The following GADL1 variants were observed in gnomAD, a reference collection of about 807,000 sequenced individuals.
GADL1 encodes the protein GAD like acidic amino acid decarboxylase 1, also known as acidic amino acid decarboxylase GADL1.
In GADL1, 71 loss-of-function variants were observed where a neutral mutation model predicts 69.5. That is an observed-to-expected ratio of 1.02 (90% CI 0.84 to 1.25). The LOEUF is 1.25. Among genes scored for constraint, GADL1 ranks in the 50% most tolerant of loss-of-function variants. The probability of loss-of-function intolerance (pLI) is 0.00; values close to 1 mark genes in which losing one functional copy is unlikely to be tolerated. For missense variants in GADL1, 737 were observed against 631.8 expected (o/e 1.17, Z -1.79); for synonymous variants, 254 against 214.4 (o/e 1.18, Z -1.62).
At chr3:30,854,379 T>C (rs1698194596) in intron 4 of GADL1, among the ~76,000 whole-genome samples, 1 of 152,184 alleles carries the variant, frequency 6.6e-6, no homozygotes, top group South Asian at 2.1e-4. Flanking sequence ...TCAAGGTTTA[T>C]TTGTGTTCAA....
At chr3:30,778,351 T>C in intron 13 of GADL1, 83 bp from the exon 14 acceptor site, 1 of 870,428 alleles carries the variant, frequency 1.1e-6, no homozygotes, top group Non-Finnish European at 1.9e-6. Context: ...TCTTAGCTAG[T>C]TTCTTCAAGA....
intron 14 of GADL1, among the ~76,000 whole-genome samples, chr3:30,754,240 G>GC (rs1317390706): frequency 6.6e-6 from 1 of 152,136 alleles, no homozygotes; most frequent in Non-Finnish European, 1.5e-5. Context: ...GGGGCAGAAA[G>GC]CCTACCATTT....
intron 8 of GADL1, 123 bp downstream of exon 8, chr3:30,844,087 C>T (rs1480277298): frequency 6.9e-6 from 5 of 720,956 alleles, no homozygotes; most frequent in Admixed American, 2.4e-5. Context: ...CTCCTCTCTC[C>T]CACACATAGA....
intron 1 of GADL1, among the ~76,000 whole-genome samples, chr3:30,869,070 A>G (rs1698445330): frequency 7.9e-6 from 1 of 127,354 alleles, no homozygotes; most frequent in South Asian, 2.5e-4. Context: ...GCCTGTGGAT[A>G]CAGAAGTAAA....
chr3:30,834,372 C>T (rs1189323710), intron 9 of GADL1, 91 bp from the exon 10 acceptor site: 1 of 955,144 alleles, frequency 1.0e-6, no homozygotes, highest in African/African-American at 1.6e-5. Context: ...GTGAGGACCT[C>T]AATCTGCATT....
chr3:30,731,511 C>T (rs888950100), intron 14 of GADL1, among the ~76,000 whole-genome samples: 117 of 152,226 alleles, frequency 7.7e-4, no homozygotes, highest in African/African-American at 2.7e-3. Context: ...TACTTTCTAA[C>T]GTGAACAAGA....
chr3:30,807,226 C>T (rs1243652167), intron 11 of GADL1, among the ~76,000 whole-genome samples: 1 of 152,210 alleles, frequency 6.6e-6, no homozygotes, highest in East Asian at 1.9e-4. Context: ...CTGTCACTGC[C>T]TGTTCTTCCT....
At chr3:30,738,246 C>A (rs1452091790) in intron 14 of GADL1, among the ~76,000 whole-genome samples, 1 of 152,162 alleles carries the variant, frequency 6.6e-6, no homozygotes, top group African/African-American at 2.4e-5. Context: ...GTGCTACCAA[C>A]TCCCTTGGGG....
intron 9 of GADL1, among the ~76,000 whole-genome samples, chr3:30,836,458 T>TGG: frequency 6.6e-6 from 1 of 151,830 alleles, no homozygotes; most frequent in Non-Finnish European, 1.5e-5. Context: ...CTCTAATTCC[T>TGG]AACTCCAGAA....
At chr3:30,874,338 C>A (rs1698547156) in intron 1 of GADL1, among the ~76,000 whole-genome samples, 1 of 151,962 alleles carries the variant, frequency 6.6e-6, no homozygotes, top group Non-Finnish European at 1.5e-5. Flanking sequence ...CTCACTGCTA[C>A]TGTAATGTTG....
At chr3:30,801,268 G>GGTAA (rs1177648800) in intron 11 of GADL1, among the ~76,000 whole-genome samples, 180 bp from the exon 12 acceptor site, 3 of 152,138 alleles carry the variant, frequency 2.0e-5, no homozygotes, top group South Asian at 2.1e-4. Context: ...ATTACCCATG[G>GGTAA]TGTTACCAAA....
intron 14 of GADL1, among the ~76,000 whole-genome samples, chr3:30,731,642 C>A (rs939610432): frequency 3.9e-5 from 6 of 152,132 alleles, no homozygotes; most frequent in African/African-American, 1.4e-4. Flanking sequence ...GGAATAAAAA[C>A]CAAACTTCTA....
chr3:30,842,230 T>A (rs994968973), intron 8 of GADL1, among the ~76,000 whole-genome samples: 1 of 152,160 alleles, frequency 6.6e-6, no homozygotes, highest in Non-Finnish European at 1.5e-5. Context: ...CACTGAAGAT[T>A]TGATATTAAA....
intron 13 of GADL1, among the ~76,000 whole-genome samples, chr3:30,779,955 A>G (rs1696624446): frequency 6.6e-6 from 1 of 152,154 alleles, no homozygotes; most frequent in Non-Finnish European, 1.5e-5. Context: ...CTCCTACAGA[A>G]TCTGTGGTTC....
chr3:30,867,227 A>G (rs180741708), intron 1 of GADL1, among the ~76,000 whole-genome samples: 95 of 152,056 alleles, frequency 6.2e-4, no homozygotes, highest in Non-Finnish European at 1.1e-3. Flanking sequence ...AAGTATTCCC[A>G]TTTATATTAA....
At chr3:30,778,333 T>C (rs979231907) in intron 13 of GADL1, 65 bp from the exon 14 acceptor site, 1 of 1,017,078 alleles carries the variant, frequency 9.8e-7, no homozygotes, top group Non-Finnish European at 1.5e-6. Flanking sequence ...ATGAAATACT[T>C]TTAAAACTCT....
chr3:30,888,759 T>G (rs1434051326), intron 1 of GADL1, among the ~76,000 whole-genome samples: 1 of 151,926 alleles, frequency 6.6e-6, no homozygotes, highest in East Asian at 1.9e-4. Context: ...ATATTAAAAA[T>G]GAAGTAGGGC....
At chr3:30,766,758 A>T (rs1233257963) in intron 14 of GADL1, among the ~76,000 whole-genome samples, 1 of 143,302 alleles carries the variant, frequency 7.0e-6, no homozygotes, top group African/African-American at 2.4e-5. Context: ...CAGGGGACAT[A>T]AATAGGATTA....
intron 1 of GADL1, among the ~76,000 whole-genome samples, chr3:30,870,511 C>G (rs1168980244): frequency 6.6e-6 from 1 of 151,608 alleles, no homozygotes; most frequent in Non-Finnish European, 1.5e-5. Flanking sequence ...GTATTTTACT[C>G]TAAAATCAAC....
Sources: gnomAD v4.1 joint callset for allele counts (sites outside exome capture counted in the v4.1 genomes callset) on GRCh38, gnomAD v4.1.1 for gene constraint, MANE v1.5 for transcripts, NCBI Gene and HGNC (gene_info 2026-07-23, HGNC 2026-07-21) for gene names.